E2F2: variants seen among roughly 807,000 people sequenced by gnomAD.
E2F2 encodes transcription factor E2F2.
Under a neutral mutation model 42.2 loss-of-function variants are expected in E2F2, and 22 were observed. The ratio of observed to expected loss-of-function variants is 0.52; its 90% CI spans 0.37 to 0.74. The LOEUF (loss-of-function observed/expected upper bound fraction) is 0.74. Among genes scored for constraint, E2F2 ranks in the 30% least tolerant of loss-of-function variants. The pLI, the probability that E2F2 is intolerant of heterozygous loss-of-function variation, is 0.00. For synonymous variants in E2F2, 248 were observed against 251.6 expected, an observed-to-expected ratio of 0.99 and a Z score of 0.13; for missense variants, 481 against 557.8, an observed-to-expected ratio of 0.86 and a Z score of 1.39.
chr1:23,521,086 G>T lies in E2F2; in HGVS notation c.579-15C>A. The T allele has an allele frequency of 6.3e-7, 1 of 1,599,356 alleles. No individual in the cohort carries two copies. The highest frequency in any genetic ancestry group is 8.5e-7 in the Non-Finnish European group (1 of 1,173,772). ...TTCCCCTGCCTCTGGGAACAGAGCA[G>T]CCCCCCAGTGTCAGTCTGTGGGTGA... is the stretch of plus-strand genomic sequence containing the variant. On this transcript the variant is annotated splice_polypyrimidine_tract_variant and intron_variant, in intron 3 of 6. Coordinates refer to ENST00000361729, the MANE Select transcript of E2F2 (RefSeq NM_004091.4).
intron 6 of E2F2, among the ~76,000 whole-genome samples, chr1:23,510,909 T>G (rs530295305): frequency 2.0e-5 from 3 of 152,334 alleles, no homozygotes; most frequent in African/African-American, 7.2e-5. Flanking sequence ...ACTGTACATT[T>G]AAAAATAGTT....
At chr1:23,511,995 C>T (rs1195487787) in intron 6 of E2F2, among the ~76,000 whole-genome samples, 1 of 152,130 alleles carries the variant, frequency 6.6e-6, no homozygotes, top group African/African-American at 2.4e-5. Context: ...GTCAGGAGTT[C>T]GAGACCAGCC....
At position 23,521,047 on chromosome 1, in the gene E2F2, G is replaced by T; in HGVS notation, c.603C>A (p.Pro201=). The change falls in exon 4 of 7, where the codon CCC becomes CCA. Residue 201 remains proline, a synonymous_variant. Transcript: ENST00000361729. ...QWVGRGMFED[P]TRPGKQQQLG... is the part of the protein sequence containing the mutation. ...GCTGTTGCTGCTTCCCAGGTCTGGT[G>T]GGGTCTTCAAACATTCCCCTGCCTC... 1.2e-6 allele frequency: 2 copies of T among 1,612,904 alleles called. No homozygotes were observed. The highest frequency in any genetic ancestry group is 8.5e-7 in the Non-Finnish European group (1 of 1,179,480).
Position 23,521,042 on chromosome 1 carries a change from C to A in E2F2, c.608G>T (p.Arg203Ile), listed in dbSNP as rs41306580. Residue 203 changes from arginine to isoleucine, a missense_variant, in exon 4 of 7, where the codon AGA becomes ATA. By Grantham distance (97) the Arg-to-Ile change is moderately conservative (BLOSUM62 -3). Coordinates refer to ENST00000361729, the MANE Select transcript of E2F2 (RefSeq NM_004091.4). ...CCCCAGCTGTTGCTGCTTCCCAGGT[C>A]TGGTGGGGTCTTCAAACATTCCCCT... ...VGRGMFEDPTRPGKQQQLGQE... is the reference protein window; with the variant it reads ...VGRGMFEDPTIPGKQQQLGQE... The A allele has an allele frequency of 7.8e-4, 1,262 of 1,613,236 alleles. No individual in the cohort carries two copies. Among genetic ancestry groups the A allele is most frequent in the Non-Finnish European group, 1.0e-3 (1,193 of 1,179,596 alleles).
At chr1:23,516,849 C>T (rs979847163) in intron 5 of E2F2, among the ~76,000 whole-genome samples, 13 of 148,744 alleles carry the variant, frequency 8.7e-5, no homozygotes, top group Admixed American at 2.0e-4. Flanking sequence ...GAGCTTGTGA[C>T]GCAGCCAGGA....
chr1:23,525,130 T>C, intron 1 of E2F2, among the ~76,000 whole-genome samples: 1 of 152,220 alleles, frequency 6.6e-6, no homozygotes, highest in Admixed American at 6.5e-5. Context: ...ATTCTTTCTT[T>C]GCCGAGAGGG....
At chr1:23,518,832 G>A (rs1430080498) in intron 5 of E2F2, among the ~76,000 whole-genome samples, 184 bp downstream of exon 5, 3 of 152,150 alleles carry the variant, frequency 2.0e-5, no homozygotes, top group South Asian at 2.1e-4. Flanking sequence ...CTCAGTCTCC[G>A]TTGCCCTTTC....
Position 23,509,815 on chromosome 1 carries a change from G to T in E2F2, c.*65C>A. 2.7e-6 allele frequency: 4 copies of T among 1,486,638 alleles called. No individual in the cohort carries two copies. The African/African-American group carries it at 4.2e-5, about 16-fold the overall frequency. The allele number at this position is 1,486,638 out of a possible 1,614,324, so 92.1% of individuals were successfully genotyped here. On this transcript the variant is annotated 3_prime_UTR_variant, in exon 7 of 7. Transcript: ENST00000361729. The stretch of plus-strand genomic sequence containing the variant: ...GTCCAATGTCCCTGTGCAGGCAGAG[G>T]GGCTGTCAGCCTGTCTGTGAGGAGG...
chr1:23,509,919 G>T lies in E2F2; in HGVS notation c.1275C>A (p.Leu425=), dbSNP rs377140105. Residue 425 remains leucine (L), a synonymous_variant, in exon 7 of 7, where the codon CTC becomes CTA. Transcript: ENST00000361729. ...GLEAGEGISD[L]FDSYDLGDLL... The stretch of plus-strand genomic sequence containing the variant: ...GGTCCCCAAGGTCGTAGGAGTCGAA[G>T]AGATCGCTGATGCCCTCACCCGCCT... The T allele has an allele frequency of 2.1e-5, 34 of 1,593,430 alleles. No individual in the cohort carries two copies. The highest frequency in any genetic ancestry group is 1.7e-5 in the Admixed American group (1 of 58,196).
At position 23,507,049 on chromosome 1, in the gene E2F2, A is replaced by T. The variant is rs1642809685; in HGVS notation, c.*2831T>A. ...GCTTCAAGAAATCTCTGAATCTCCA[A>T]CTCTACTGGATGATTTCCTGGAGCC... On this transcript the variant is annotated 3_prime_UTR_variant, in exon 7 of 7. Transcript: ENST00000361729. 6.6e-6 allele frequency: 1 copy of T among 152,000 alleles called. No homozygotes were observed. The highest frequency in any genetic ancestry group is 2.1e-4 in the South Asian group (1 of 4,818). 9.4% of individuals were successfully genotyped at this position (152,000 alleles called of 1,614,324 possible).
chr1:23,510,513 T>C (rs991188012), intron 6 of E2F2, among the ~76,000 whole-genome samples: 2 of 151,944 alleles, frequency 1.3e-5, no homozygotes, highest in East Asian at 1.9e-4. Context: ...TTAGTAGAGA[T>C]GGGGTTTCAC....
chr1:23,528,160 A>G (rs1163470051), intron 1 of E2F2, among the ~76,000 whole-genome samples: 1 of 152,130 alleles, frequency 6.6e-6, no homozygotes, highest in Non-Finnish European at 1.5e-5. Flanking sequence ...GCATGCGATA[A>G]AGGGGCATTC....
Position 23,519,096 on chromosome 1 carries a change from C to A in E2F2, c.772G>T (p.Val258Phe). ...ACTGTCTGCTCCTTAAAGTTGCCAA[C>A]AGCACGGATATCCTGGTAAGTCACA... ...AYVTYQDIRA[V>F]GNFKEQTVIA... is the part of the protein sequence containing the mutation. Residue 258 changes from valine (V) to phenylalanine (F), a missense_variant, in exon 5 of 7, where the codon GTT becomes TTT. Transcript: ENST00000361729. 6.2e-7 allele frequency: 1 copy of A among 1,613,992 alleles called. No individual in the cohort carries two copies. Among genetic ancestry groups the A allele is most frequent in the Non-Finnish European group, 8.5e-7 (1 of 1,179,920 alleles).
At chr1:23,529,897 C>T (rs1432215233) in intron 1 of E2F2, among the ~76,000 whole-genome samples, 1 of 152,216 alleles carries the variant, frequency 6.6e-6, no homozygotes, top group African/African-American at 2.4e-5. Context: ...CACTTTGGGC[C>T]CTCTCTGGCA....
chr1:23,511,397 T>A (rs1355262831), intron 6 of E2F2, among the ~76,000 whole-genome samples: 3 of 151,876 alleles, frequency 2.0e-5, no homozygotes, highest in Admixed American at 6.6e-5. Context: ...ACCATGCCCA[T>A]CCAATTTTTA....
rs1410821609 is a variant in E2F2 at position 23,530,292 on chromosome 1, C to T, written c.252+250G>A. ...GTGCACTGGGAGTAGTGAGTTGGGT[C>T]TCCCTCCAGACTCGCAATCCAGTGC... On this transcript the variant is annotated intron_variant, in intron 1 of 6. Coordinates refer to ENST00000361729, the MANE Select transcript of E2F2 (RefSeq NM_004091.4). This position sits in a 1 kb window ranked among gnomAD's most constrained non-coding sequence, Gnocchi z 4.4. 6.6e-6 allele frequency among the ~76,000 whole-genome samples: 1 copy of T among 152,230 alleles called. No homozygotes were observed. Among genetic ancestry groups the T allele is most frequent in the Non-Finnish European group, 1.5e-5 (1 of 68,028 alleles).
rs1023487025 is a variant in E2F2 at position 23,509,583 on chromosome 1, G to A, written c.*297C>T. 3.0e-5 allele frequency: 10 copies of A among 332,538 alleles called. No individual in the cohort carries two copies. Among genetic ancestry groups the A allele is most frequent in the African/African-American group, 2.1e-4 (10 of 47,174 alleles). 20.6% of individuals were successfully genotyped at this position (332,538 alleles called of 1,614,324 possible). A position where few individuals can be genotyped will look rare whatever the true frequency, so the allele number is the denominator to read the frequency against. The stretch of plus-strand genomic sequence containing the variant: ...AAAGGAGGTAGCAGGGCCTTTCCCT[G>A]GACTTGGCCACCTCACCTGCAGCCT... On this transcript the variant is annotated 3_prime_UTR_variant, in exon 7 of 7. Coordinates refer to ENST00000361729, the MANE Select transcript of E2F2 (RefSeq NM_004091.4).
At chr1:23,513,118 GTTTTTTTTT>G (rs11449034) in intron 6 of E2F2, among the ~76,000 whole-genome samples, 2 of 139,632 alleles carry the variant, frequency 1.4e-5, no homozygotes, top group Non-Finnish European at 3.1e-5. Context: ...GGCCACATAA[GTTTTTTTTT>G]TTTTTTTTTA....
intron 6 of E2F2, among the ~76,000 whole-genome samples, chr1:23,512,524 G>A (rs780113784): frequency 2.0e-5 from 3 of 152,152 alleles, no homozygotes; most frequent in Non-Finnish European, 2.9e-5. Flanking sequence ...GCTTGGGAGC[G>A]GGGAGCATGT....
Sources: gnomAD v4.1 joint callset for allele counts (sites outside exome capture counted in the v4.1 genomes callset) on GRCh38, gnomAD v4.1.1 for gene constraint, Gnocchi (gnomAD v3.1) non-coding constraint, MANE v1.5 for transcripts, NCBI Gene and HGNC (gene_info 2026-07-23, HGNC 2026-07-21) for gene names.